Variants in ITGA11 observed in about 807,000 individuals in gnomAD.
The protein encoded by ITGA11 is integrin alpha-11.
Under a neutral mutation model 141.9 loss-of-function variants are expected in ITGA11, and 97 were observed. The observed-to-expected ratio is 0.68, with a 90% CI of 0.58 to 0.81. ITGA11 has a LOEUF of 0.81. Ranked by LOEUF, ITGA11 falls within the 30% of genes least tolerant of loss-of-function variation. ITGA11 has a pLI of 0.00. For missense variants in ITGA11, 1,387 were observed against 1,559.2 expected (o/e 0.89, Z 1.86); for synonymous variants, 658 against 624.6 (o/e 1.05, Z -0.80).
At chr15:68,357,403 AC>A in intron 6 of ITGA11, 104 bp from the exon 7 acceptor site, 1 of 1,403,108 alleles carries the variant, frequency 7.1e-7, no homozygotes, top group Non-Finnish European at 9.7e-7. Flanking sequence ...GTGTGATAAT[AC>A]AGGAGGGAGG....
At chr15:68,393,274 T>C (rs1016440545) in intron 2 of ITGA11, among the ~76,000 whole-genome samples, 4 of 152,084 alleles carry the variant, frequency 2.6e-5, no homozygotes, top group African/African-American at 9.7e-5. Flanking sequence ...AATTCAAGTT[T>C]AGAAAGAAAA....
Position 68,307,550 on chromosome 15 carries a change from T to C in ITGA11, c.3285+36A>G. ...CATCCCAACAGCCGCCCCCTTTCCC[T>C]TCTTCCTTCCAGCCCAGCCCAGGGG... On this transcript the variant is annotated intron_variant, in intron 27 of 29. Transcript: ENST00000315757. This position sits in a 1 kb window ranked among gnomAD's most constrained non-coding sequence, Gnocchi z 6.1. 2 of 1,555,978 alleles carry C rather than the reference T, an allele frequency of 1.3e-6. No individual in the cohort carries two copies. Among genetic ancestry groups the C allele is most frequent in the Non-Finnish European group, 1.8e-6 (2 of 1,135,602 alleles).
chr15:68,335,886 C>T lies in ITGA11; in HGVS notation c.1277-41G>A. ...ACAGGCTGATCTTTGGCACCGTGTC[C>T]TCAGCAGGCGTTGCTTGGCCCGGTG... On this transcript the variant is annotated intron_variant, in intron 11 of 29. Coordinates refer to ENST00000315757, the MANE Select transcript of ITGA11 (RefSeq NM_001004439.2). This position sits in a 1 kb window ranked among gnomAD's most constrained non-coding sequence, Gnocchi z 4.9. 2 of 1,593,588 alleles carry T rather than the reference C, an allele frequency of 1.3e-6. No individual in the cohort carries two copies. Among genetic ancestry groups the T allele is most frequent in the Non-Finnish European group, 1.7e-6 (2 of 1,169,514 alleles).
chr15:68,398,408 C>T (rs1381502231), intron 2 of ITGA11, among the ~76,000 whole-genome samples: 2 of 150,888 alleles, frequency 1.3e-5, no homozygotes, highest in African/African-American at 4.9e-5. Flanking sequence ...ACAAAGAAGG[C>T]CATTACATGA....
intron 23 of ITGA11, among the ~76,000 whole-genome samples, chr15:68,313,101 C>G (rs1189876157): frequency 6.6e-6 from 1 of 152,196 alleles, no homozygotes; most frequent in Non-Finnish European, 1.5e-5. Flanking sequence ...GTCAGAAGAG[C>G]CAGTTATCTC....
intron 2 of ITGA11, among the ~76,000 whole-genome samples, chr15:68,399,088 T>C (rs900345885): frequency 6.6e-6 from 1 of 151,932 alleles, no homozygotes; most frequent in Non-Finnish European, 1.5e-5. Flanking sequence ...AAAATTTATA[T>C]GGAAACATAA....
intron 10 of ITGA11, among the ~76,000 whole-genome samples, chr15:68,344,796 A>G (rs1220684464): frequency 3.3e-5 from 5 of 152,138 alleles, no homozygotes; most frequent in Non-Finnish European, 1.5e-5. Flanking sequence ...GTACAAGAGA[A>G]AAAGGATCTC....
chr15:68,348,893 G>A lies in ITGA11; in HGVS notation c.1068C>T (p.Asn356=). Reference sequence around the variant, plus strand: ...CCAGCCCAAAGGAGGTCTCGTTCTTGTTGGTGCCTGCAACAGAGTGACAGA... The same window carrying A: ...CCAGCCCAAAGGAGGTCTCGTTCTTATTGGTGCCTGCAACAGAGTGACAGA... The part of the protein sequence containing the change: ...GDRIFSLEGT[N]KNETSFGLEM... Residue 356 remains asparagine, a synonymous_variant, in exon 10 of 30, where the codon AAC becomes AAT. Transcript: ENST00000315757. 1 of 1,606,196 alleles carries A rather than the reference G, an allele frequency of 6.2e-7. No homozygotes were observed. The highest frequency in any genetic ancestry group is 1.1e-5 in the South Asian group (1 of 89,070).
rs369758722 is a variant in ITGA11, at chr15:68,315,737, A to G, written c.2716-10T>C. 19 of 1,605,034 alleles carry G rather than the reference A, an allele frequency of 1.2e-5. No homozygotes were observed. The highest frequency in any genetic ancestry group is 1.4e-5 in the Non-Finnish European group (17 of 1,175,312). ...CAAGACGGAAAGCCACCTGCAAGGA[A>G]GCAGTCGCATGTCTGGGCATTGCTG... is the stretch of plus-strand genomic sequence containing the variant. On this transcript the variant is annotated splice_polypyrimidine_tract_variant and intron_variant, in intron 21 of 29. Transcript: ENST00000315757.
Position 68,352,837 on chromosome 15 carries a change from A to T in ITGA11, c.750-1435T>A, listed in dbSNP as rs185133372. ...CAATTGGCAGAGAGGCTCTTGTAAC[A>T]GGCCATTGGGCTACAAAGCATGAAA... On this transcript the variant is annotated intron_variant, in intron 7 of 29. Coordinates refer to ENST00000315757, the MANE Select transcript of ITGA11 (RefSeq NM_001004439.2). Among the ~76,000 whole-genome samples, 137 of 152,304 alleles carry T rather than the reference A, an allele frequency of 9.0e-4. 3 individuals carry two copies. In the East Asian group the frequency reaches 0.02, roughly 22 times the overall value.
intron 2 of ITGA11, among the ~76,000 whole-genome samples, chr15:68,381,190 C>T (rs533952802): frequency 2.4e-4 from 36 of 152,320 alleles, no homozygotes; most frequent in Non-Finnish European, 5.3e-4. Flanking sequence ...TTACCAGGCA[C>T]CACCTCTAGA....
chr15:68,333,634 G>T lies in ITGA11; in HGVS notation c.1426-1156C>A, dbSNP rs576522549. ...CGTGGTGGGTGCCAATTCACCAACT[G>T]CTCCCCCCTGCTTCGTCCCTAGGTG... On this transcript the variant is annotated intron_variant, in intron 12 of 29. Coordinates refer to ENST00000315757, the MANE Select transcript of ITGA11 (RefSeq NM_001004439.2). This position sits in a 1 kb window ranked among gnomAD's most constrained non-coding sequence, Gnocchi z 4.2. Among the ~76,000 whole-genome samples the T allele has an allele frequency of 6.6e-6, 1 of 152,254 alleles. No homozygotes were observed. The highest frequency in any genetic ancestry group is 1.9e-4 in the East Asian group (1 of 5,174).
intron 7 of ITGA11, 184 bp downstream of exon 7, chr15:68,356,967 A>T: frequency 1.7e-6 from 1 of 595,082 alleles, no homozygotes; most frequent in Middle Eastern, 4.5e-4. Flanking sequence ...ACCAGACTGC[A>T]ACTACCTGAG....
chr15:68,313,833 T>C lies in ITGA11; in HGVS notation c.2828A>G (p.Asn943Ser). The C allele has an allele frequency of 6.2e-7, 1 of 1,613,988 alleles. No individual in the cohort carries two copies. Among genetic ancestry groups the C allele is most frequent in the African/African-American group, 1.3e-5 (1 of 75,054 alleles). Residue 943 changes from asparagine (N) to serine (S), a missense_variant, in exon 23 of 30, where the codon AAC becomes AGC. By Grantham distance (46) the Asn-to-Ser change is conservative. Coordinates refer to ENST00000315757, the MANE Select transcript of ITGA11 (RefSeq NM_001004439.2). Reference sequence around the variant, plus strand: ...GAGGTGGAAGCGTAAGGGGGCCACGTTGTCTTCCTTGGTGCTGTCCCGCTC... The same window carrying C: ...GAGGTGGAAGCGTAAGGGGGCCACGCTGTCTTCCTTGGTGCTGTCCCGCTC... ...SNERDSTKEDNVAPLRFHLKY... is the reference protein window; with the variant it reads ...SNERDSTKEDSVAPLRFHLKY...
At chr15:68,309,323 T>C (rs961779789) in intron 26 of ITGA11, among the ~76,000 whole-genome samples, 2 of 152,180 alleles carry the variant, frequency 1.3e-5, no homozygotes, top group African/African-American at 4.8e-5. Context: ...TGTGAGAAAG[T>C]TAATCAAAGC....
intron 3 of ITGA11, 111 bp from the exon 4 acceptor site, chr15:68,364,909 G>A (rs1895369166): frequency 9.5e-7 from 1 of 1,052,272 alleles, no homozygotes; most frequent in Non-Finnish European, 1.4e-6. Flanking sequence ...CCTGACCCTG[G>A]GGACCTCTGG....
intron 18 of ITGA11, among the ~76,000 whole-genome samples, chr15:68,323,133 G>A (rs2899735): frequency 0.64 from 96,974 of 152,008 alleles, 34,684 homozygotes; most frequent in South Asian, 0.8. Flanking sequence ...TCTTGCTTTA[G>A]GCATTGATCT....
chr15:68,350,363 T>G (rs1894866037), intron 9 of ITGA11, among the ~76,000 whole-genome samples: 1 of 144,848 alleles, frequency 6.9e-6, no homozygotes, highest in African/African-American at 2.9e-5. Context: ...TTTTGTAATT[T>G]TTTTTTTAAA....
In ITGA11 at chr15:68,305,174, C is replaced by G. The variant is rs954773105; in HGVS notation, c.3382-1289G>C. Among the ~76,000 whole-genome samples, 3 of 152,342 alleles carry G rather than the reference C, an allele frequency of 2.0e-5. No homozygotes were observed. The highest frequency in any genetic ancestry group is 3.9e-4 in the East Asian group (2 of 5,176). On this transcript the variant is annotated intron_variant, in intron 28 of 29. Transcript: ENST00000315757. The surrounding 1 kb of genome is among the most constrained non-coding windows in gnomAD (Gnocchi z 4.6). Reference sequence around the variant, plus strand: ...AGCCACCTGGCCTCCAGCATGCATGCCATGGCGTGCCTGCTGTAGGCATTG... The same window carrying G: ...AGCCACCTGGCCTCCAGCATGCATGGCATGGCGTGCCTGCTGTAGGCATTG...
Sources: gnomAD v4.1 joint callset for allele counts (sites outside exome capture counted in the v4.1 genomes callset) on GRCh38, gnomAD v4.1.1 for gene constraint, Gnocchi (gnomAD v3.1) non-coding constraint, MANE v1.5 for transcripts, NCBI Gene and HGNC (gene_info 2026-07-23, HGNC 2026-07-21) for gene names.